The following CRTC2 variants were observed in gnomAD, a reference collection of about 807,000 sequenced individuals.
The protein encoded by CRTC2 is CREB-regulated transcription coactivator 2.
In CRTC2, 25 loss-of-function variants were observed where a neutral mutation model predicts 70.9. The ratio of observed to expected loss-of-function variants is 0.35; its 90% confidence interval spans 0.26 to 0.49. The LOEUF is 0.49. Among genes scored for constraint, CRTC2 ranks in the 20% least tolerant of loss-of-function variants. CRTC2 has a pLI of 0.98. For synonymous variants in CRTC2, 330 were observed against 364.1 expected (o/e 0.91, Z 1.07); for missense variants, 737 against 882.6 (o/e 0.83, Z 2.09).
chr1:153,952,077 G>A lies in CRTC2; in HGVS notation c.938C>T (p.Thr313Ile). 1 of 1,614,148 alleles carries A rather than the reference G, an allele frequency of 6.2e-7. No individual in the cohort carries two copies. The highest frequency in any genetic ancestry group is 8.5e-7 in the Non-Finnish European group (1 of 1,180,016). ...CCTGCTGATGCCCAGGTGAGTCATG[G>A]TGTGGGTCAAATTGGAGGTACTGTT... ...GGNSTSNLTH[T>I]MTHLGISRGM... The change falls in exon 10 of 14, where the codon ACC becomes ATC. Residue 313 changes from threonine to isoleucine, a missense_variant. This residue lies in a region of CRTC2 where 699 missense variants were observed against 823.7 expected (regional missense o/e 0.85). Transcript: ENST00000368633.
chr1:153,948,507 G>A lies in CRTC2; in HGVS notation c.1812C>T (p.Asn604=), dbSNP rs1680142687. ...AGCCATGGCGGGAACAGTGGGTCAA[G>A]TTCTGGTGGTTGAAGGTGTGGGGAT... The part of the protein sequence containing the change: ...PQDPHTFNHQ[N]LTHCSRHGSG... Residue 604 remains asparagine, a synonymous_variant, in exon 13 of 14, where the codon AAC becomes AAT. Transcript: ENST00000368633. 6.2e-7 allele frequency: 1 copy of A among 1,611,804 alleles called. No individual in the cohort carries two copies.
Position 153,952,165 on chromosome 1 carries a change from G to C in CRTC2, c.850C>G (p.Pro284Ala), listed in dbSNP as rs780529187. ...TCCAGGGGGGTGGGCAGTGGTGGGG[G>C]AAAGTGCAGGTTGGTGAGGTCAGGT... is the stretch of plus-strand genomic sequence containing the variant. Reference protein sequence around the residue: ...SLPDLTNLHFPPPLPTPLDPE... With the variant: ...SLPDLTNLHFAPPLPTPLDPE... The change falls in exon 10 of 14, where the codon CCC becomes GCC. Residue 284 changes from proline to alanine, a missense_variant. By Grantham distance (27) the Pro-to-Ala change is conservative. This residue lies in a region of CRTC2 where 699 missense variants were observed against 823.7 expected (regional missense o/e 0.85). Coordinates refer to ENST00000368633, the MANE Select transcript of CRTC2 (RefSeq NM_181715.3). 1.2e-6 allele frequency: 2 copies of C among 1,613,968 alleles called. No individual in the cohort carries two copies. The highest frequency in any genetic ancestry group is 1.3e-5 in the African/African-American group (1 of 74,904).
Position 153,953,525 on chromosome 1 carries a change from CA to C in CRTC2, c.503+12del. 6.2e-7 allele frequency: 1 copy of C among 1,608,650 alleles called. No homozygotes were observed. ...GATAAGAGATCTGGCCTAAAGAAGG[CA>C]AAAGCCATCACCTGTTAAGTGCAGA... is the stretch of plus-strand genomic sequence containing the variant. On this transcript the variant is annotated intron_variant, in intron 5 of 13. Coordinates refer to ENST00000368633, the MANE Select transcript of CRTC2 (RefSeq NM_181715.3).
rs984990139 is a variant in CRTC2, at chr1:153,952,498, C to T, written c.703-52G>A. On this transcript the variant is annotated intron_variant, in intron 8 of 13. Coordinates refer to ENST00000368633, the MANE Select transcript of CRTC2 (RefSeq NM_181715.3). Reference sequence around the variant, plus strand: ...AATGAGGACAGTGCTCAGCAGAGAACCCTGGAAGGCCTGCCCCATGGCAAG... The same window carrying T: ...AATGAGGACAGTGCTCAGCAGAGAATCCTGGAAGGCCTGCCCCATGGCAAG... 6.8e-6 allele frequency: 11 copies of T among 1,612,872 alleles called. No individual in the cohort carries two copies. In the African/African-American group the frequency reaches 1.1e-4, roughly 16 times the overall value.
chr1:153,950,111 T>C (rs1181528483), intron 11 of CRTC2, among the ~76,000 whole-genome samples: 3 of 152,204 alleles, frequency 2.0e-5, no homozygotes, highest in Non-Finnish European at 1.5e-5. Context: ...TTTTTATTTG[T>C]TGTAGAGACT....
At chr1:153,954,646 G>C (rs1434769643) in intron 3 of CRTC2, among the ~76,000 whole-genome samples, 1 of 152,242 alleles carries the variant, frequency 6.6e-6, no homozygotes, top group Non-Finnish European at 1.5e-5. Flanking sequence ...CTGATGTGAA[G>C]ACAGCCAGAG....
chr1:153,953,972 C>T (rs1464478135), intron 4 of CRTC2, among the ~76,000 whole-genome samples: 1 of 152,162 alleles, frequency 6.6e-6, no homozygotes, highest in African/African-American at 2.4e-5. Context: ...TGCCCCTCTG[C>T]CATTCTCCCC....
chr1:153,954,677 C>G (rs1680532848), intron 3 of CRTC2, among the ~76,000 whole-genome samples, 196 bp downstream of exon 3: 1 of 152,230 alleles, frequency 6.6e-6, no homozygotes, highest in Admixed American at 6.5e-5. Flanking sequence ...ACAGGGGGCA[C>G]AGCCTCAGGA....
At chr1:153,949,484 A>G (rs1329533504) in intron 11 of CRTC2, 100 bp from the exon 12 acceptor site, 2 of 1,268,036 alleles carry the variant, frequency 1.6e-6, no homozygotes, top group African/African-American at 3.0e-5. Context: ...CATTCCCAAA[A>G]CAAACATGAC....
chr1:153,958,514 T>C lies in CRTC2; in HGVS notation c.-17A>G, dbSNP rs1218148649. ...CGTCGCCATCTTCCTTCCCCGTCCCTCCCTGCCACCCTCCCAGTACCAGCC... is the reference window on the plus strand; with the variant it reads ...CGTCGCCATCTTCCTTCCCCGTCCCCCCCTGCCACCCTCCCAGTACCAGCC... On this transcript the variant is annotated 5_prime_UTR_variant, in exon 1 of 14. Coordinates refer to ENST00000368633, the MANE Select transcript of CRTC2 (RefSeq NM_181715.3). 2 of 1,600,478 alleles carry C rather than the reference T, an allele frequency of 1.2e-6. No individual in the cohort carries two copies. The highest frequency in any genetic ancestry group is 2.7e-5 in the African/African-American group (2 of 74,594).
chr1:153,952,043 G>A lies in CRTC2; in HGVS notation c.972C>T (p.Gly324=), dbSNP rs1388223881. The A allele has an allele frequency of 1.2e-6, 2 of 1,613,916 alleles. No individual in the cohort carries two copies. The highest frequency in any genetic ancestry group is 2.2e-5 in the South Asian group (2 of 91,072). ...CTGGTGCATCATAGCCTGGGCCCAG[G>A]CCCATGCCCCTGCTGATGCCCAGGT... ...MTHLGISRGM[G]LGPGYDAPGL... The change falls in exon 10 of 14, where the codon GGC becomes GGT. Residue 324 remains glycine (G), a synonymous_variant. Coordinates refer to ENST00000368633, the MANE Select transcript of CRTC2 (RefSeq NM_181715.3).
intron 11 of CRTC2, 47 bp from the exon 12 acceptor site, chr1:153,949,431 C>T: frequency 6.6e-7 from 1 of 1,520,124 alleles, no homozygotes; most frequent in South Asian, 1.3e-5. Flanking sequence ...GTGTATACCC[C>T]AAGAACTCTC....
Position 153,948,653 on chromosome 1 carries a change from A to G in CRTC2, c.1675-9T>C. 6.4e-7 allele frequency: 1 copy of G among 1,571,782 alleles called. No homozygotes were observed. On this transcript the variant is annotated splice_polypyrimidine_tract_variant and intron_variant, in intron 12 of 13. Coordinates refer to ENST00000368633, the MANE Select transcript of CRTC2 (RefSeq NM_181715.3). Reference sequence around the variant, plus strand: ...ATGCTGAACTGCTCCAGCTATAGACATACAGACAAATCTTTAGGAAGTAGG... The same window carrying G: ...ATGCTGAACTGCTCCAGCTATAGACGTACAGACAAATCTTTAGGAAGTAGG...
At chr1:153,955,354 T>C (rs905977619) in intron 1 of CRTC2, among the ~76,000 whole-genome samples, 188 bp from the exon 2 acceptor site, 1 of 151,392 alleles carries the variant, frequency 6.6e-6, no homozygotes, top group South Asian at 2.1e-4. Context: ...GATCACAAGG[T>C]CAGGAGATCG....
intron 3 of CRTC2, 50 bp from the exon 4 acceptor site, chr1:153,954,366 C>G (rs749692924): frequency 7.6e-7 from 1 of 1,317,798 alleles, no homozygotes. Flanking sequence ...ATGAGAGAGG[C>G]CAAATGAGGA....
In CRTC2 at chr1:153,953,606, C is replaced by T. The variant is rs768210472; in HGVS notation, c.435G>A (p.Arg145=). The T allele has an allele frequency of 6.2e-7, 1 of 1,606,608 alleles. No homozygotes were observed. Among genetic ancestry groups the T allele is most frequent in the Non-Finnish European group, 8.5e-7 (1 of 1,177,186 alleles). Residue 145 remains arginine (R), a splice_region_variant and synonymous_variant, in exon 5 of 14, where the codon AGG becomes AGA. Transcript: ENST00000368633. Reference sequence around the variant, plus strand: ...CAGGGAAATTGCCCCAGGCCATCGTCCTGGGGTAGAAAAACAAAGTCATGA... The same window carrying T: ...CAGGGAAATTGCCCCAGGCCATCGTTCTGGGGTAGAAAAACAAAGTCATGA... The part of the protein sequence containing the change: ...LSPPPESSWR[R]TMAWGNFPAE...
Position 153,954,883 on chromosome 1 carries a change from T to C in CRTC2, c.362A>G (p.Tyr121Cys). ...CCCTGTGAAGGATATGTGGCGGGTG[T>C]ATCGGCGAAGTGGGGACACCATTCT... ...PRRMVSPLRR[Y>C]TRHIDSSPYS... is the part of the protein sequence containing the mutation. Residue 121 changes from tyrosine (Y) to cysteine (C), a missense_variant, in exon 3 of 14, where the codon TAC becomes TGC. This residue lies in a region of CRTC2 where 699 missense variants were observed against 823.7 expected (regional missense o/e 0.85). Transcript: ENST00000368633. 6.2e-7 allele frequency: 1 copy of C among 1,612,928 alleles called. No homozygotes were observed. Among genetic ancestry groups the C allele is most frequent in the South Asian group, 1.1e-5 (1 of 91,012 alleles).
chr1:153,952,559 G>A lies in CRTC2; in HGVS notation c.702+12C>T, dbSNP rs775406065. 1.2e-6 allele frequency: 2 copies of A among 1,613,858 alleles called. No homozygotes were observed. The highest frequency in any genetic ancestry group is 4.5e-5 in the East Asian group (2 of 44,894). On this transcript the variant is annotated intron_variant, in intron 8 of 13. Transcript: ENST00000368633. ...AGAGACTAGTGGGTGACACCCGGTG[G>A]CCTCCTCCTACCTTCTTAGCATCCC...
Position 153,948,473 on chromosome 1 carries a change from TAGG to T in CRTC2, c.1843_1845del (p.Pro615del). The T allele has an allele frequency of 6.2e-7, 1 of 1,608,014 alleles. No individual in the cohort carries two copies. The highest frequency in any genetic ancestry group is 8.5e-7 in the Non-Finnish European group (1 of 1,176,748). On this transcript the variant is annotated inframe_deletion, in exon 13 of 14. Transcript: ENST00000368633. ...CCCCATTCACCTGTGAGGATGATGT[TAGG>T]CCCTGAGCCATGGCGGGAACAGTGG...
Sources: allele counts gnomAD v4.1 joint callset (sites outside exome capture counted in the v4.1 genomes callset), GRCh38; gene constraint gnomAD v4.1.1; regional missense constraint gnomAD v4.1.1; transcripts MANE v1.5; gene names NCBI Gene and HGNC (gene_info 2026-07-23, HGNC 2026-07-21).